The following ARHGEF38 variants were observed in gnomAD, a reference collection of about 807,000 sequenced individuals.
The protein encoded by ARHGEF38 is Rho guanine nucleotide exchange factor (GEF) 38.
In ARHGEF38, 79 loss-of-function variants were observed where a neutral mutation model predicts 79.9. The observed-to-expected ratio is 0.99, with a 90% CI of 0.82 to 1.19. ARHGEF38 has a LOEUF of 1.19. ARHGEF38 is among the 50% of genes most tolerant of loss of function. The probability of loss-of-function intolerance (pLI) is 0.00; values close to 1 mark genes in which losing one functional copy is unlikely to be tolerated. For missense variants in ARHGEF38, 962 were observed against 907.2 expected (o/e 1.06, Z -0.78); for synonymous variants, 366 against 328.3 (o/e 1.11, Z -1.24).
chr4:105,637,466 A>G (rs914469564), intron 5 of ARHGEF38, among the ~76,000 whole-genome samples: 2 of 152,094 alleles, frequency 1.3e-5, no homozygotes, highest in Admixed American at 1.3e-4. Context: ...ATAAACAGAT[A>G]TGAGTAGATT....
chr4:105,620,506 A>T (rs1455401814), intron 3 of ARHGEF38, among the ~76,000 whole-genome samples: 1 of 152,182 alleles, frequency 6.6e-6, no homozygotes, highest in Non-Finnish European at 1.5e-5. Context: ...TCCCAAGAAT[A>T]TTAGATTTAC....
chr4:105,590,074 A>G (rs867529280), intron 2 of ARHGEF38, among the ~76,000 whole-genome samples: 29 of 109,550 alleles, frequency 2.6e-4, no homozygotes, highest in Middle Eastern at 4.4e-3. Context: ...AAAGAAAGAA[A>G]GAAGGAAGGA....
intron 2 of ARHGEF38, among the ~76,000 whole-genome samples, chr4:105,608,234 C>T (rs1728138569): frequency 6.6e-6 from 1 of 152,030 alleles, no homozygotes; most frequent in African/African-American, 2.4e-5. Flanking sequence ...TACTTGTTTT[C>T]CTTCATCTTT....
intron 6 of ARHGEF38, among the ~76,000 whole-genome samples, chr4:105,646,419 C>T (rs1729842830): frequency 6.6e-6 from 1 of 152,146 alleles, no homozygotes; most frequent in South Asian, 2.1e-4. Context: ...CATTTATACT[C>T]AGGGAAATGT....
At chr4:105,623,036 T>C (rs1728802280) in intron 3 of ARHGEF38, among the ~76,000 whole-genome samples, 1 of 152,144 alleles carries the variant, frequency 6.6e-6, no homozygotes, top group South Asian at 2.1e-4. Context: ...GGATTCCACA[T>C]GCATTTGTTC....
intron 10 of ARHGEF38, among the ~76,000 whole-genome samples, chr4:105,660,050 G>T (rs1265075280): frequency 6.6e-6 from 1 of 151,912 alleles, no homozygotes; most frequent in Non-Finnish European, 1.5e-5. Flanking sequence ...CTATTCAATG[G>T]GTAACACCTG....
At chr4:105,676,827 T>C (rs1731139611) in intron 13 of ARHGEF38, among the ~76,000 whole-genome samples, 1 of 152,156 alleles carries the variant, frequency 6.6e-6, no homozygotes, top group Non-Finnish European at 1.5e-5. Context: ...GCTATAATTG[T>C]ACCATTCAAA....
At chr4:105,610,258 C>T (rs900129128) in intron 2 of ARHGEF38, among the ~76,000 whole-genome samples, 33 of 151,738 alleles carry the variant, frequency 2.2e-4, no homozygotes, top group Admixed American at 2.1e-3. Flanking sequence ...ATAGGTGCAG[C>T]AAACCACCAT....
intron 1 of ARHGEF38, among the ~76,000 whole-genome samples, chr4:105,561,262 G>A (rs1725510255): frequency 6.6e-6 from 1 of 151,682 alleles, no homozygotes; most frequent in East Asian, 1.9e-4. Flanking sequence ...AAATTAGCTG[G>A]TTGGTGGTGC....
rs1309149058 is a variant in ARHGEF38, at chr4:105,679,463, A to G, written c.*1526A>G. 1.3e-5 allele frequency: 21 copies of G among 1,590,658 alleles called. No homozygotes were observed. Among genetic ancestry groups the G allele is most frequent in the Non-Finnish European group, 1.6e-5 (19 of 1,161,746 alleles). On this transcript the variant is annotated 3_prime_UTR_variant, in exon 14 of 14. Coordinates refer to ENST00000420470, the MANE Select transcript of ARHGEF38 (RefSeq NM_001242729.2). ...CCTGTATTTCCTCTAGGCTTTCCAG[A>G]GTCATGGTCACAAACCCCTTATCAG...
At chr4:105,638,629 G>GT (rs1386463363) in intron 5 of ARHGEF38, among the ~76,000 whole-genome samples, 1 of 152,060 alleles carries the variant, frequency 6.6e-6, no homozygotes, top group African/African-American at 2.4e-5. Flanking sequence ...GCTAACTATT[G>GT]TAGCATTGCA....
Position 105,552,744 on chromosome 4 carries a change from C to G in ARHGEF38, c.-22C>G, listed in dbSNP as rs1274180142. The G allele has an allele frequency of 2.5e-6, 4 of 1,590,706 alleles. No individual in the cohort carries two copies. The highest frequency in any genetic ancestry group is 2.6e-6 in the Non-Finnish European group (3 of 1,169,676). On this transcript the variant is annotated 5_prime_UTR_variant, in exon 1 of 14. Transcript: ENST00000420470. ...GCAATCAGCCATTGCCTGCAAGCCT[C>G]CAAAGCTTGTCTTTGCCTAATATGG...
intron 1 of ARHGEF38, among the ~76,000 whole-genome samples, chr4:105,567,356 G>A (rs1357114686): frequency 6.6e-6 from 1 of 152,172 alleles, no homozygotes; most frequent in African/African-American, 2.4e-5. Flanking sequence ...TAACAGCAGT[G>A]CTTTGGCAAC....
At chr4:105,571,103 G>T (rs1369588708) in intron 1 of ARHGEF38, among the ~76,000 whole-genome samples, 1 of 152,110 alleles carries the variant, frequency 6.6e-6, no homozygotes, top group African/African-American at 2.4e-5. Context: ...TGGTGGTAAT[G>T]GTTGTCCAAC....
intron 10 of ARHGEF38, among the ~76,000 whole-genome samples, chr4:105,665,556 C>A (rs928154700): frequency 1.3e-5 from 2 of 152,060 alleles, no homozygotes; most frequent in African/African-American, 4.8e-5. Flanking sequence ...CTGGCCTCAG[C>A]TTCCTGATTA....
At position 105,672,815 on chromosome 4, in the gene ARHGEF38, G is replaced by A. The variant is rs146131603; in HGVS notation, c.2149-4937G>A. ...CAGAATTAAATTTCTTGTTCTGGTC[G>A]GACTAAGGACTCCTTTTTCTTGTTG... On this transcript the variant is annotated intron_variant, in intron 13 of 13. Transcript: ENST00000420470. 6.2e-3 allele frequency among the ~76,000 whole-genome samples: 941 copies of A among 152,238 alleles called. 11 individuals carry two copies. The highest frequency in any genetic ancestry group is 0.021 in the African/African-American group (889 of 41,538).
intron 3 of ARHGEF38, among the ~76,000 whole-genome samples, chr4:105,618,845 T>C (rs1728622540): frequency 6.6e-6 from 1 of 152,184 alleles, no homozygotes; most frequent in Non-Finnish European, 1.5e-5. Context: ...GCCAGCCACC[T>C]TTATCTAGAG....
At chr4:105,556,277 G>A (rs1725247030) in intron 1 of ARHGEF38, among the ~76,000 whole-genome samples, 1 of 152,162 alleles carries the variant, frequency 6.6e-6, no homozygotes, top group Admixed American at 6.6e-5. Context: ...AACAGAATAT[G>A]TGCCAGGAAT....
At chr4:105,611,141 T>C (rs1281959021) in intron 2 of ARHGEF38, among the ~76,000 whole-genome samples, 1 of 152,070 alleles carries the variant, frequency 6.6e-6, no homozygotes, top group African/African-American at 2.4e-5. Flanking sequence ...TATGAAATAA[T>C]AAACATGAAA....
Sources: allele counts gnomAD v4.1 joint callset (sites outside exome capture counted in the v4.1 genomes callset), GRCh38; gene constraint gnomAD v4.1.1; transcripts MANE v1.5; gene names NCBI Gene and HGNC (gene_info 2026-07-23, HGNC 2026-07-21).